Variants in KIF26B observed in about 807,000 individuals in gnomAD.
The protein encoded by KIF26B is kinesin-like protein KIF26B.
KIF26B carries 63 observed loss-of-function variants against 151.2 expected under a neutral mutation model. The observed-to-expected ratio is 0.42, with a 90% CI of 0.34 to 0.51. The LOEUF is 0.51. Among genes scored for constraint, KIF26B ranks in the 20% least tolerant of loss-of-function variants. KIF26B has a pLI of 0.07. For missense variants in KIF26B, 2,813 were observed against 2,913.6 expected (o/e 0.97, Z 0.79); for synonymous variants, 1,357 against 1,262.1 (o/e 1.08, Z -1.59).
intron 4 of KIF26B, among the ~76,000 whole-genome samples, chr1:245,508,986 A>C (rs555738903): frequency 1.3e-5 from 2 of 152,216 alleles, no homozygotes; most frequent in Admixed American, 6.5e-5. Context: ...TGTGAAGTGT[A>C]TCATGCATGA....
Position 245,637,588 on chromosome 1 carries a change from A to T in KIF26B, c.2099-8533A>T, listed in dbSNP as rs563120795. On this transcript the variant is annotated intron_variant, in intron 9 of 14. Transcript: ENST00000407071. Reference sequence around the variant, plus strand: ...AGGTCTTACCCCAAAAATATTCGCCAATGTCCTGTAGTATCTCCCCAGTGT... The same window carrying T: ...AGGTCTTACCCCAAAAATATTCGCCTATGTCCTGTAGTATCTCCCCAGTGT... 1.1e-4 allele frequency among the ~76,000 whole-genome samples: 17 copies of T among 151,982 alleles called. No individual in the cohort carries two copies. The East Asian group carries it at 3.3e-3, about 29-fold the overall frequency.
rs749896175 is a variant in KIF26B at position 245,155,516 on chromosome 1, G to T, written c.63+29G>T. The T allele has an allele frequency of 3.8e-6, 6 of 1,583,944 alleles. No individual in the cohort carries two copies. The South Asian group carries it at 4.5e-5, about 12-fold the overall frequency. On this transcript the variant is annotated intron_variant, in intron 1 of 14. Transcript: ENST00000407071. ...AGTTGTGACGGTACGACGCGGAGAC[G>T]CGTTACCAGACCCATCTCGGCGGAG...
intron 5 of KIF26B, among the ~76,000 whole-genome samples, chr1:245,573,706 C>G (rs181976495): frequency 6.6e-6 from 1 of 152,094 alleles, no homozygotes; most frequent in Non-Finnish European, 1.5e-5. Flanking sequence ...ACAATTTCCT[C>G]TATAGAGTAG....
intron 2 of KIF26B, among the ~76,000 whole-genome samples, chr1:245,262,847 A>G (rs971547867): frequency 1.3e-5 from 2 of 152,260 alleles, no homozygotes. Context: ...CATTTCACAG[A>G]GCAGGCTGCT....
chr1:245,389,385 T>C (rs1673631379), intron 3 of KIF26B, among the ~76,000 whole-genome samples: 1 of 151,908 alleles, frequency 6.6e-6, no homozygotes, highest in Admixed American at 6.6e-5. Flanking sequence ...AGTGCTAGGA[T>C]TACAGGCGTG....
intron 4 of KIF26B, among the ~76,000 whole-genome samples, chr1:245,440,852 G>A (rs909865970): frequency 1.8e-4 from 27 of 152,228 alleles, no homozygotes; most frequent in African/African-American, 6.3e-4. Flanking sequence ...TTGGAAACAC[G>A]TCATGGGACC....
chr1:245,584,993 C>T (rs1485991713), intron 5 of KIF26B, among the ~76,000 whole-genome samples: 1 of 152,190 alleles, frequency 6.6e-6, no homozygotes, highest in East Asian at 1.9e-4. Flanking sequence ...ACATTCACCT[C>T]CACTGTGTTT....
chr1:245,300,683 C>G (rs1294511952), intron 2 of KIF26B, among the ~76,000 whole-genome samples: 1 of 151,426 alleles, frequency 6.6e-6, no homozygotes, highest in Non-Finnish European at 1.5e-5. Context: ...TGTACACCAC[C>G]ACACCTGGCT....
intron 9 of KIF26B, among the ~76,000 whole-genome samples, chr1:245,627,521 A>G (rs1162245213): frequency 6.6e-6 from 1 of 152,152 alleles, no homozygotes; most frequent in Non-Finnish European, 1.5e-5. Context: ...AAACGCCCAC[A>G]TCAGAGAGCT....
intron 14 of KIF26B, among the ~76,000 whole-genome samples, chr1:245,700,857 C>G (rs1208924933): frequency 6.6e-6 from 1 of 152,226 alleles, no homozygotes; most frequent in African/African-American, 2.4e-5. Flanking sequence ...TTATCCCTCC[C>G]CGCTGCGGAT....
intron 2 of KIF26B, among the ~76,000 whole-genome samples, chr1:245,243,781 G>GT (rs1032821933): frequency 3.9e-5 from 6 of 152,186 alleles, no homozygotes; most frequent in Admixed American, 3.9e-4. Context: ...AACCTGGGAG[G>GT]TGGAGGTTGC....
chr1:245,638,855 G>T (rs2043859447), intron 9 of KIF26B, among the ~76,000 whole-genome samples: 1 of 151,734 alleles, frequency 6.6e-6, no homozygotes, highest in African/African-American at 2.4e-5. Flanking sequence ...ATGGTGAATG[G>T]TCTTTTTAAT....
chr1:245,397,394 T>C (rs148392615), intron 3 of KIF26B, among the ~76,000 whole-genome samples: 80 of 152,188 alleles, frequency 5.3e-4, no homozygotes, highest in African/African-American at 1.8e-3. Flanking sequence ...TTTTGTATTA[T>C]TAGTAGAAAT....
intron 2 of KIF26B, among the ~76,000 whole-genome samples, chr1:245,363,676 G>T (rs1411657601): frequency 1.3e-5 from 2 of 152,162 alleles, no homozygotes; most frequent in East Asian, 3.9e-4. Context: ...TTGATGATAA[G>T]AACTCACAAA....
At chr1:245,662,884 C>T (rs2044171790) in intron 10 of KIF26B, among the ~76,000 whole-genome samples, 1 of 151,712 alleles carries the variant, frequency 6.6e-6, no homozygotes, top group African/African-American at 2.4e-5. Flanking sequence ...TGTGGCCTTG[C>T]TTGTTTTTTT....
At chr1:245,556,333 T>TTCTTCTTCC (rs1558213100) in intron 5 of KIF26B, among the ~76,000 whole-genome samples, 3 of 108,658 alleles carry the variant, frequency 2.8e-5, no homozygotes, top group African/African-American at 4.2e-5. Flanking sequence ...TTCCTCCTTC[T>TTCTTCTTCC]TCCTCCTTCC....
chr1:245,211,142 A>G (rs1412777519), intron 2 of KIF26B, among the ~76,000 whole-genome samples: 1 of 152,188 alleles, frequency 6.6e-6, no homozygotes, highest in Non-Finnish European at 1.5e-5. Flanking sequence ...TCTTTTGTGA[A>G]TAAAAAGGCC....
At chr1:245,252,471 C>T (rs1472526169) in intron 2 of KIF26B, among the ~76,000 whole-genome samples, 1 of 151,862 alleles carries the variant, frequency 6.6e-6, no homozygotes, top group African/African-American at 2.4e-5. Flanking sequence ...ATGGATTGTT[C>T]TTTTTAAAAC....
At chr1:245,270,194 CTTTT>C (rs1348331379) in intron 2 of KIF26B, among the ~76,000 whole-genome samples, 16 of 78,674 alleles carry the variant, frequency 2.0e-4, no homozygotes, top group African/African-American at 7.3e-4. Context: ...ATTCCTTCTT[CTTTT>C]CCCTTCCCTT....
Sources: allele counts gnomAD v4.1 joint callset (sites outside exome capture counted in the v4.1 genomes callset), GRCh38; gene constraint gnomAD v4.1.1; transcripts MANE v1.5; gene names NCBI Gene and HGNC (gene_info 2026-07-23, HGNC 2026-07-21).